Variants in ARHGEF28 observed in about 807,000 individuals in gnomAD.
ARHGEF28 encodes 190 kDa guanine nucleotide exchange factor.
In ARHGEF28, 152 loss-of-function variants were observed where a neutral mutation model predicts 206.6. The observed-to-expected ratio is 0.74, with a 90% CI of 0.64 to 0.84. The LOEUF is 0.84. ARHGEF28 is among the 40% of genes least tolerant of loss of function. The probability of loss-of-function intolerance (pLI) is 0.00; values close to 1 mark genes in which losing one functional copy is unlikely to be tolerated. For synonymous variants in ARHGEF28, 763 were observed against 776.4 expected (o/e 0.98, Z 0.29); for missense variants, 2,028 against 2,073.2 (o/e 0.98, Z 0.42).
chr5:73,797,550 A>G lies in ARHGEF28; in HGVS notation c.1024+2159A>G, dbSNP rs556144717. Among the ~76,000 whole-genome samples the G allele has an allele frequency of 1.1e-4, 16 of 152,242 alleles. 1 individual carries two copies. The South Asian group carries it at 3.3e-3, about 32-fold the overall frequency. On this transcript the variant is annotated intron_variant, in intron 9 of 35. Transcript: ENST00000513042. ...CGAGTAGCTGGGATTACAGGCACCCATCACCATGCCCAGGTAATTTTTGTA... is the reference window on the plus strand; with the variant it reads ...CGAGTAGCTGGGATTACAGGCACCCGTCACCATGCCCAGGTAATTTTTGTA...
At chr5:73,742,830 C>CAAAAAAAAAAA (rs373495344) in intron 2 of ARHGEF28, among the ~76,000 whole-genome samples, 1 of 56,474 alleles carries the variant, frequency 1.8e-5, no homozygotes. Context: ...GACTCCGTCT[C>CAAAAAAAAAAA]AAAAAAAAAA....
chr5:73,745,033 T>C (rs1751647057), intron 2 of ARHGEF28, among the ~76,000 whole-genome samples: 1 of 152,032 alleles, frequency 6.6e-6, no homozygotes, highest in South Asian at 2.1e-4. Context: ...TTCCCTTGGT[T>C]AAGAAACCCC....
chr5:73,866,088 C>T (rs934476189), intron 18 of ARHGEF28, 75 bp downstream of exon 18: 1 of 1,189,452 alleles, frequency 8.4e-7, no homozygotes, highest in African/African-American at 1.6e-5. Flanking sequence ...ATAAAAATAT[C>T]TCCTTTTGTT....
intron 33 of ARHGEF28, among the ~76,000 whole-genome samples, chr5:73,907,202 A>G (rs887818905): frequency 1.3e-5 from 2 of 152,228 alleles, no homozygotes; most frequent in African/African-American, 4.8e-5. Flanking sequence ...GGGAAGGGAT[A>G]CAGTTTGAGC....
At chr5:73,712,322 T>A (rs1467674506) in intron 2 of ARHGEF28, among the ~76,000 whole-genome samples, 10 of 152,234 alleles carry the variant, frequency 6.6e-5, no homozygotes, top group Non-Finnish European at 1.0e-4. Context: ...ATAAGTAGAC[T>A]AGGAACCCTT....
intron 22 of ARHGEF28, among the ~76,000 whole-genome samples, chr5:73,875,594 G>A (rs1380216209): frequency 6.6e-6 from 1 of 152,028 alleles, no homozygotes; most frequent in South Asian, 2.1e-4. Flanking sequence ...ATTAATTTTT[G>A]TATAAGGTGT....
At chr5:73,816,856 G>A (rs931867526) in intron 9 of ARHGEF28, among the ~76,000 whole-genome samples, 3 of 152,172 alleles carry the variant, frequency 2.0e-5, no homozygotes, top group African/African-American at 4.8e-5. Context: ...GCAGCCCCAG[G>A]ACAGGCCATA....
At chr5:73,675,361 G>A (rs1416471726) in intron 1 of ARHGEF28, among the ~76,000 whole-genome samples, 1 of 152,114 alleles carries the variant, frequency 6.6e-6, no homozygotes, top group Non-Finnish European at 1.5e-5. Flanking sequence ...CCTTAAAATG[G>A]AGACCAACAT....
intron 1 of ARHGEF28, among the ~76,000 whole-genome samples, chr5:73,662,825 A>G (rs1446070388): frequency 3.3e-5 from 5 of 152,240 alleles, no homozygotes; most frequent in African/African-American, 1.2e-4. Flanking sequence ...CCTAGAATGT[A>G]GGAACCTGCC....
intron 2 of ARHGEF28, among the ~76,000 whole-genome samples, chr5:73,730,496 A>G (rs1290991703): frequency 2.0e-5 from 3 of 150,594 alleles, no homozygotes; most frequent in East Asian, 3.9e-4. Flanking sequence ...TATGCAACCT[A>G]TAATCAATAT....
intron 29 of ARHGEF28, among the ~76,000 whole-genome samples, chr5:73,897,597 G>T (rs1335336577): frequency 6.6e-6 from 1 of 152,238 alleles, no homozygotes; most frequent in Non-Finnish European, 1.5e-5. Context: ...TTTACTGAAA[G>T]TTGCATTTGA....
At chr5:73,690,995 T>G (rs1239481123) in intron 2 of ARHGEF28, among the ~76,000 whole-genome samples, 1 of 152,084 alleles carries the variant, frequency 6.6e-6, no homozygotes, top group Non-Finnish European at 1.5e-5. Flanking sequence ...TGTAGTGCGA[T>G]CTTGGCTCAC....
chr5:73,855,874 G>A (rs1758998125), intron 14 of ARHGEF28, among the ~76,000 whole-genome samples: 1 of 151,746 alleles, frequency 6.6e-6, no homozygotes, highest in South Asian at 2.1e-4. Context: ...GAGTAGAGTT[G>A]GGTAACCAAT....
chr5:73,899,484 G>C (rs1323258804), intron 30 of ARHGEF28: 1 of 152,396 alleles, frequency 6.6e-6, no homozygotes, highest in Non-Finnish European at 1.5e-5. Context: ...AGGCTCTTTA[G>C]AGGGGTCTGA....
chr5:73,932,848 G>A (rs369432585), intron 35 of ARHGEF28, among the ~76,000 whole-genome samples: 7 of 107,420 alleles, frequency 6.5e-5, no homozygotes, highest in Admixed American at 4.5e-4. Context: ...TCGCTCTGTC[G>A]CCCAGGCTGG....
Position 73,685,917 on chromosome 5 carries a change from G to A in ARHGEF28, c.33+1033G>A, listed in dbSNP as rs148378163. ...ATTACAGGCATGAGCCACCACACCCGGCTGGAATTGGAACAAATTTAATCA... is the reference window on the plus strand; with the variant it reads ...ATTACAGGCATGAGCCACCACACCCAGCTGGAATTGGAACAAATTTAATCA... On this transcript the variant is annotated intron_variant, in intron 2 of 35. Coordinates refer to ENST00000513042, the MANE Select transcript of ARHGEF28 (RefSeq NM_001177693.2). 1.4e-3 allele frequency among the ~76,000 whole-genome samples: 210 copies of A among 152,210 alleles called. 1 individual carries two copies. Among genetic ancestry groups the A allele is most frequent in the African/African-American group, 4.7e-3 (194 of 41,520 alleles).
chr5:73,723,595 T>C (rs1001514280), intron 2 of ARHGEF28, among the ~76,000 whole-genome samples: 9 of 152,252 alleles, frequency 5.9e-5, no homozygotes, highest in Non-Finnish European at 1.2e-4. Context: ...TAAGGTTTAT[T>C]TGTATGCTTT....
rs1269631951 is a variant in ARHGEF28 at position 73,743,004 on chromosome 5, GTAATTTTA to G, written c.34-6825_34-6818del. On this transcript the variant is annotated intron_variant, in intron 2 of 35. Transcript: ENST00000513042. ...TTTTCTTATATATTACACAAAATAT[GTAATTTTA>G]TAATTTTGTAAAATTGTTTGTATAT... is the stretch of plus-strand genomic sequence containing the variant. 7.9e-5 allele frequency among the ~76,000 whole-genome samples: 12 copies of G among 152,076 alleles called. No homozygotes were observed. The East Asian group carries it at 2.3e-3, about 29-fold the overall frequency.
rs1247256657 is a variant in ARHGEF28 at position 73,844,655 on chromosome 5, T to A, written c.1428-1613T>A. 3.6e-4 allele frequency among the ~76,000 whole-genome samples: 47 copies of A among 132,140 alleles called. 1 individual carries two copies. Among genetic ancestry groups the A allele is most frequent in the African/African-American group, 5.2e-4 (19 of 36,464 alleles). 86.7% of individuals were successfully genotyped at this position (132,140 alleles called of 152,430 possible). On this transcript the variant is annotated intron_variant, in intron 11 of 35. Coordinates refer to ENST00000513042, the MANE Select transcript of ARHGEF28 (RefSeq NM_001177693.2). ...AAAAGCCTATGTTTTTTTTTTTTTT[T>A]AAATAACCTAAACAGGTTAATTCAA...
Sources: gnomAD v4.1 joint callset for allele counts (sites outside exome capture counted in the v4.1 genomes callset) on GRCh38, gnomAD v4.1.1 for gene constraint, MANE v1.5 for transcripts, NCBI Gene and HGNC (gene_info 2026-07-23, HGNC 2026-07-21) for gene names.